PDE11A: variants seen among roughly 807,000 people sequenced by gnomAD.
PDE11A encodes phosphodiesterase 11A.
Under a neutral mutation model 100.5 loss-of-function variants are expected in PDE11A, and 100 were observed. That is an observed-to-expected ratio of 1.00 (90% CI 0.85 to 1.18). The LOEUF (loss-of-function observed/expected upper bound fraction) is 1.18. Among genes scored for constraint, PDE11A ranks in the 50% most tolerant of loss-of-function variants. The probability of loss-of-function intolerance (pLI) is 0.00; values close to 1 mark genes in which losing one functional copy is unlikely to be tolerated. For missense variants in PDE11A, 1,141 were observed against 1,152.6 expected, an observed-to-expected ratio of 0.99 and a Z score of 0.15; for synonymous variants, 381 against 420.8, an observed-to-expected ratio of 0.91 and a Z score of 1.16.
At chr2:177,687,229 A>G (rs1445085614) in intron 15 of PDE11A, 1 of 152,204 alleles carries the variant, frequency 6.6e-6, no homozygotes, top group Non-Finnish European at 1.5e-5. Flanking sequence ...CCTGCCTAGA[A>G]GTAAGTCTCT....
At position 177,840,330 on chromosome 2, in the gene PDE11A, C is replaced by T; in HGVS notation, c.1421G>A (p.Ser474Asn). ...TGTTGAAGCAACCAGCTCAGCAATG[C>T]TGTTATTTATTAGCCAGTCGGAGTA... ...SSYSDWLINN[S>N]IAELVASTGL... The change falls in exon 6 of 20, where the codon AGC (serine) becomes AAC (asparagine). Residue 474 changes from serine to asparagine, a missense_variant. Physicochemically the swap from Ser to Asn is conservative, Grantham distance 46. Transcript: ENST00000286063. The T allele has an allele frequency of 6.2e-7, 1 of 1,613,460 alleles. No homozygotes were observed. The highest frequency in any genetic ancestry group is 8.5e-7 in the Non-Finnish European group (1 of 1,179,370).
At chr2:177,954,490 A>C (rs929345180) in intron 2 of PDE11A, among the ~76,000 whole-genome samples, 2 of 152,306 alleles carry the variant, frequency 1.3e-5, no homozygotes, top group African/African-American at 4.8e-5. Flanking sequence ...ATAGTTCTTG[A>C]AGTCAGTTCC....
intron 6 of PDE11A, among the ~76,000 whole-genome samples, chr2:177,826,002 CA>C (rs1185068919): frequency 1.3e-5 from 2 of 152,048 alleles, no homozygotes; most frequent in East Asian, 1.9e-4. Flanking sequence ...GAACAACTGC[CA>C]AAAAAATCTG....
intron 5 of PDE11A, among the ~76,000 whole-genome samples, chr2:177,855,524 C>G (rs567401139): frequency 6.6e-6 from 1 of 152,156 alleles, no homozygotes; most frequent in South Asian, 2.1e-4. Context: ...CTATCCATCT[C>G]TGGGGTAGCT....
At chr2:177,894,682 T>C (rs1055670710) in intron 4 of PDE11A, among the ~76,000 whole-genome samples, 7 of 152,104 alleles carry the variant, frequency 4.6e-5, no homozygotes, top group Non-Finnish European at 1.0e-4. Flanking sequence ...TATACCAAAT[T>C]ATAAACAAGA....
upstream of PDE11A, among the ~76,000 whole-genome samples, chr2:178,075,517 A>G (rs2087195999): frequency 7.3e-6 from 1 of 137,312 alleles, no homozygotes; most frequent in Non-Finnish European, 1.5e-5. Context: ...GCACCACTGC[A>G]CTCCAGCCTG....
At chr2:178,060,577 A>G (rs1559058284) in intron 1 of PDE11A, among the ~76,000 whole-genome samples, 1 of 152,272 alleles carries the variant, frequency 6.6e-6, no homozygotes, top group South Asian at 2.1e-4. Flanking sequence ...TAGAGAGGTA[A>G]AATATGGCAC....
At chr2:177,887,303 T>C (rs2084451618) in intron 4 of PDE11A, among the ~76,000 whole-genome samples, 1 of 152,112 alleles carries the variant, frequency 6.6e-6, no homozygotes, top group Admixed American at 6.5e-5. Flanking sequence ...CAAAAAATAC[T>C]GAAGAATCTG....
chr2:177,936,874 A>G (rs1366980793), intron 2 of PDE11A, among the ~76,000 whole-genome samples: 1 of 152,094 alleles, frequency 6.6e-6, no homozygotes, highest in Non-Finnish European at 1.5e-5. Flanking sequence ...GTGAGTTGAA[A>G]TCGCACTATT....
intron 1 of PDE11A, among the ~76,000 whole-genome samples, chr2:178,034,722 A>C (rs1455692227): frequency 6.6e-6 from 1 of 152,166 alleles, no homozygotes; most frequent in Non-Finnish European, 1.5e-5. Context: ...TAAGAAACTC[A>C]CTAAAAACCG....
chr2:177,758,486 A>G (rs2082125402), intron 10 of PDE11A, among the ~76,000 whole-genome samples: 1 of 152,094 alleles, frequency 6.6e-6, no homozygotes, highest in Non-Finnish European at 1.5e-5. Context: ...CAGAGCTACC[A>G]TTTCACCAAC....
chr2:177,693,996 A>C (rs2081076513), intron 15 of PDE11A, among the ~76,000 whole-genome samples: 1 of 152,244 alleles, frequency 6.6e-6, no homozygotes, highest in Admixed American at 6.5e-5. Context: ...ATTTTAATGC[A>C]ACTTTAGACA....
intron 14 of PDE11A, among the ~76,000 whole-genome samples, chr2:177,699,395 T>C (rs1362053715): frequency 6.6e-6 from 1 of 152,246 alleles, no homozygotes; most frequent in African/African-American, 2.4e-5. Context: ...GATCAAAACA[T>C]GTTGCATGTG....
At chr2:177,972,440 A>G (rs931900437) in intron 2 of PDE11A, among the ~76,000 whole-genome samples, 9 of 152,332 alleles carry the variant, frequency 5.9e-5, no homozygotes, top group Admixed American at 5.9e-4. Context: ...GAGAAAGCCA[A>G]ATTAAACTAG....
At chr2:177,987,175 T>A (rs1035195338) in intron 2 of PDE11A, among the ~76,000 whole-genome samples, 1 of 152,164 alleles carries the variant, frequency 6.6e-6, no homozygotes, top group African/African-American at 2.4e-5. Context: ...CTTGCTGCTT[T>A]ACGAGGGCAG....
At chr2:178,046,877 G>A (rs2105853267) in intron 1 of PDE11A, among the ~76,000 whole-genome samples, 1 of 152,284 alleles carries the variant, frequency 6.6e-6, no homozygotes, top group South Asian at 2.1e-4. Flanking sequence ...GGAAAAGCCA[G>A]GAATCTTGAG....
At chr2:177,850,433 T>C (rs1308582026) in intron 5 of PDE11A, among the ~76,000 whole-genome samples, 1 of 152,112 alleles carries the variant, frequency 6.6e-6, no homozygotes, top group African/African-American at 2.4e-5. Flanking sequence ...ATAAAAACCC[T>C]AGAAGAAAAC....
chr2:177,737,941 T>A (rs1174644452), intron 10 of PDE11A, among the ~76,000 whole-genome samples: 1 of 152,230 alleles, frequency 6.6e-6, no homozygotes, highest in Admixed American at 6.5e-5. Flanking sequence ...GAAGGCTTGA[T>A]AATCCTGCTG....
intron 4 of PDE11A, among the ~76,000 whole-genome samples, chr2:177,885,978 A>G (rs369980222): frequency 3.9e-5 from 6 of 152,336 alleles, no homozygotes; most frequent in African/African-American, 1.4e-4. Context: ...CCAGCCATCA[A>G]GATGATACAT....
Sources: gnomAD v4.1 joint callset for allele counts (sites outside exome capture counted in the v4.1 genomes callset) on GRCh38, gnomAD v4.1.1 for gene constraint, MANE v1.5 for transcripts, NCBI Gene and HGNC (gene_info 2026-07-23, HGNC 2026-07-21) for gene names.